Variants in USH2A observed in about 807,000 individuals in gnomAD.
USH2A encodes Usher syndrome 2A (autosomal recessive, mild).
USH2A carries 443 observed loss-of-function variants against 538.9 expected under a neutral mutation model. The observed-to-expected ratio is 0.82, with a 90% CI of 0.76 to 0.89. The LOEUF (loss-of-function observed/expected upper bound fraction) is 0.89, where lower values mean the gene tolerates loss of function less well. Ranked by LOEUF, USH2A falls within the 40% of genes least tolerant of loss-of-function variation. The pLI, the probability that USH2A is intolerant of heterozygous loss-of-function variation, is 0.00. For synonymous variants in USH2A, 2,413 were observed against 2,273.5 expected (o/e 1.06, Z -1.75); for missense variants, 6,633 against 6,324.8 (o/e 1.05, Z -1.65).
chr1:215,709,130 G>A (rs889308128), intron 61 of USH2A, among the ~76,000 whole-genome samples: 3 of 152,070 alleles, frequency 2.0e-5, no homozygotes, highest in African/African-American at 7.2e-5. Context: ...ACAAAATTTT[G>A]AAATGATCAA....
chr1:216,057,593 A>C (rs2031022058), intron 30 of USH2A, among the ~76,000 whole-genome samples: 1 of 152,198 alleles, frequency 6.6e-6, no homozygotes, highest in Admixed American at 6.5e-5. Flanking sequence ...AAGCTGAGAC[A>C]GGAGAATTGC....
chr1:215,827,836 A>G (rs922823306), intron 47 of USH2A, among the ~76,000 whole-genome samples: 13 of 152,186 alleles, frequency 8.5e-5, no homozygotes, highest in African/African-American at 2.9e-4. Context: ...CACTCTCCCT[A>G]TTAAAGCAAA....
intron 11 of USH2A, among the ~76,000 whole-genome samples, chr1:216,267,315 G>A (rs1016008992): frequency 6.6e-6 from 1 of 152,026 alleles, no homozygotes. Context: ...AAGAAAAGTT[G>A]CAAAGTAATG....
chr1:215,680,264 TGAATCA>T lies in USH2A; in HGVS notation c.12173_12178del (p.Leu4058_Ile4059del). On this transcript the variant is annotated inframe_deletion, in exon 62 of 72. Coordinates refer to ENST00000307340, the MANE Select transcript of USH2A (RefSeq NM_206933.4). Reference sequence around the variant, plus strand: ...TCCACTTGGGGAAGATTCTAAGGTTTGAATCAGAGTCCAAGGGCTTAAAATTTCTCC... The same window carrying T: ...TCCACTTGGGGAAGATTCTAAGGTTTGAGTCCAAGGGCTTAAAATTTCTCC... 1.9e-6 allele frequency: 3 copies of T among 1,614,156 alleles called. No individual in the cohort carries two copies. The highest frequency in any genetic ancestry group is 2.5e-6 in the Non-Finnish European group (3 of 1,180,006).
intron 49 of USH2A, among the ~76,000 whole-genome samples, chr1:215,810,909 A>G (rs923427723): frequency 6.6e-6 from 1 of 152,190 alleles, no homozygotes; most frequent in African/African-American, 2.4e-5. Context: ...AGAATAAGAA[A>G]TAACAGCACT....
At chr1:215,861,211 T>C (rs531762043) in intron 44 of USH2A, among the ~76,000 whole-genome samples, 2 of 152,336 alleles carry the variant, frequency 1.3e-5, no homozygotes, top group Admixed American at 6.5e-5. Context: ...TAGTCTCTCA[T>C]AGTGTTCCAG....
At chr1:215,678,204 T>C (rs544657935) in intron 62 of USH2A, among the ~76,000 whole-genome samples, 3 of 152,304 alleles carry the variant, frequency 2.0e-5, no homozygotes, top group African/African-American at 7.2e-5. Flanking sequence ...CCAGAGTGAT[T>C]TTTAAAAACG....
At chr1:216,095,699 G>A (rs891001226) in intron 22 of USH2A, among the ~76,000 whole-genome samples, 6 of 152,144 alleles carry the variant, frequency 3.9e-5, no homozygotes, top group African/African-American at 1.4e-4. Context: ...AGTGGCCACT[G>A]TGCGGCTCTC....
chr1:215,836,483 ATATAT>A (rs1483241620), intron 47 of USH2A, among the ~76,000 whole-genome samples: 36 of 3,050 alleles, frequency 0.012, 4 homozygotes, highest in Non-Finnish European at 0.033. Context: ...TATATATAAT[ATATAT>A]TATATATATA....
chr1:216,123,109 C>T (rs1385411404), intron 21 of USH2A, among the ~76,000 whole-genome samples: 4 of 152,100 alleles, frequency 2.6e-5, no homozygotes, highest in African/African-American at 9.7e-5. Context: ...GATAAGAAAA[C>T]TGAGGCTCAG....
chr1:216,082,271 G>GTTTCAGCAAAGATTCATAGACATTACA (rs2031973675), intron 26 of USH2A, among the ~76,000 whole-genome samples: 1 of 147,448 alleles, frequency 6.8e-6, no homozygotes, highest in Non-Finnish European at 1.5e-5. Flanking sequence ...TAGACATTAC[G>GTTTCAGCAAAGATTCATAGACATTACA]TTTCAGCGAA....
At chr1:215,929,986 C>T (rs1459443598) in intron 38 of USH2A, among the ~76,000 whole-genome samples, 4 of 151,956 alleles carry the variant, frequency 2.6e-5, no homozygotes, top group Non-Finnish European at 4.4e-5. Flanking sequence ...AAACTACTCG[C>T]AACCATTTTG....
intron 61 of USH2A, among the ~76,000 whole-genome samples, chr1:215,682,717 A>T (rs1031360307): frequency 8.6e-5 from 13 of 150,966 alleles, no homozygotes; most frequent in Non-Finnish European, 1.3e-4. Flanking sequence ...AAGGGTCATT[A>T]CAACAGTTGT....
intron 32 of USH2A, among the ~76,000 whole-genome samples, chr1:216,045,678 G>A (rs1409818817): frequency 6.6e-6 from 1 of 152,108 alleles, no homozygotes; most frequent in Non-Finnish European, 1.5e-5. Context: ...CAATCCTTGT[G>A]GTCTGCTGAA....
rs1341095696 is a variant in USH2A, at chr1:216,246,985, G to C, written c.2409C>G (p.Leu803=). The change falls in exon 13 of 72, where the codon CTC becomes CTG. Residue 803 remains leucine, a synonymous_variant. Coordinates refer to ENST00000307340, the MANE Select transcript of USH2A (RefSeq NM_206933.4). ...KACDCDTAGS[L]PGTVCNAKTG... ...TCTTAGCATTACAGACAGTCCCAGG[G>C]AGGGATCCAGCTGTGTCACAGTCAC... The C allele has an allele frequency of 4.3e-6, 7 of 1,613,948 alleles. No individual in the cohort carries two copies. Among genetic ancestry groups the C allele is most frequent in the Non-Finnish European group, 4.2e-6 (5 of 1,180,004 alleles).
chr1:215,996,959 T>G (rs1668157303), intron 34 of USH2A, among the ~76,000 whole-genome samples: 2 of 152,130 alleles, frequency 1.3e-5, no homozygotes, highest in African/African-American at 4.8e-5. Context: ...TATCTTTATG[T>G]TTTGTTTTCC....
intron 38 of USH2A, among the ~76,000 whole-genome samples, chr1:215,920,374 A>G (rs1219152090): frequency 6.6e-6 from 1 of 152,060 alleles, no homozygotes; most frequent in Non-Finnish European, 1.5e-5. Context: ...TTAGTTTTAG[A>G]GACAGCTGTT....
chr1:215,905,748 T>G (rs538048478), intron 38 of USH2A, among the ~76,000 whole-genome samples: 1 of 152,176 alleles, frequency 6.6e-6, no homozygotes, highest in South Asian at 2.1e-4. Context: ...CCTGTGCTCA[T>G]TCCATTTAGA....
intron 46 of USH2A, among the ~76,000 whole-genome samples, chr1:215,842,635 G>T (rs1417877908): frequency 6.6e-6 from 1 of 152,058 alleles, no homozygotes; most frequent in Non-Finnish European, 1.5e-5. Context: ...GCCATAAAAA[G>T]GAATGAGATC....
Sources: gnomAD v4.1 joint callset for allele counts (sites outside exome capture counted in the v4.1 genomes callset) on GRCh38, gnomAD v4.1.1 for gene constraint, MANE v1.5 for transcripts, NCBI Gene and HGNC (gene_info 2026-07-23, HGNC 2026-07-21) for gene names.